Variants in NINJ2 observed in about 807,000 individuals in gnomAD.
NINJ2 encodes ninjurin-2.
Under a neutral mutation model 11.7 loss-of-function variants are expected in NINJ2, and 12 were observed. That is an observed-to-expected ratio of 1.02 (90% CI 0.66 to 1.66). NINJ2 has a LOEUF of 1.66. Ranked by LOEUF, NINJ2 falls within the 40% of genes most tolerant of loss-of-function variation. NINJ2 has a pLI of 0.00. For synonymous variants in NINJ2, 93 were observed against 76.8 expected (o/e 1.21, Z -1.10); for missense variants, 187 against 181.8 (o/e 1.03, Z -0.16).
intron 1 of NINJ2, among the ~76,000 whole-genome samples, chr12:662,515 G>A (rs771436017): frequency 2.0e-5 from 3 of 152,270 alleles, no homozygotes; most frequent in South Asian, 2.1e-4. Context: ...GATTTTGTTC[G>A]AGGACCAGGT....
intron 1 of NINJ2, among the ~76,000 whole-genome samples, chr12:602,708 T>G (rs1427256241): frequency 1.3e-5 from 2 of 152,238 alleles, no homozygotes; most frequent in African/African-American, 4.8e-5. Context: ...TGCACCATTT[T>G]GCATTCCAGC....
chr12:577,324 G>GTAT (rs36178671), intron 1 of NINJ2, among the ~76,000 whole-genome samples: 67,913 of 146,454 alleles, frequency 0.46, 16,536 homozygotes, highest in Non-Finnish European at 0.55. Flanking sequence ...TAGGCTAAGT[G>GTAT]TATTAAATGC....
At position 649,196 on chromosome 12, in the gene NINJ2, G is replaced by A. The variant is rs552576993; in HGVS notation, c.33+14132C>T. The stretch of plus-strand genomic sequence containing the variant: ...AGAGTAGCTGGGATTACAGGCATGC[G>A]CCACCACACTCGGCTAATTTTTGTA... On this transcript the variant is annotated intron_variant, in intron 1 of 3. Transcript: ENST00000305108. 8.6e-5 allele frequency among the ~76,000 whole-genome samples: 13 copies of A among 151,996 alleles called. No individual in the cohort carries two copies. In the East Asian group the frequency reaches 1.9e-3, roughly 23 times the overall value.
intron 1 of NINJ2, among the ~76,000 whole-genome samples, chr12:649,531 G>GTATATATA (rs58255301): frequency 0.39 from 49,240 of 127,376 alleles, 10,378 homozygotes; most frequent in Middle Eastern, 0.54. Context: ...GTGTATATGT[G>GTATATATA]TATATATATA....
At chr12:566,307 T>G in intron 1 of NINJ2, 129 bp from the exon 2 acceptor site, 1 of 699,612 alleles carries the variant, frequency 1.4e-6, no homozygotes, top group East Asian at 2.7e-5. Flanking sequence ...AATGACACCC[T>G]TAGTTTCATG....
chr12:621,303 A>AC (rs1948149693), intron 1 of NINJ2, among the ~76,000 whole-genome samples: 1 of 151,748 alleles, frequency 6.6e-6, no homozygotes, highest in Non-Finnish European at 1.5e-5. Context: ...TTAAAAAAAA[A>AC]ATTAGCCAGG....
intron 1 of NINJ2, among the ~76,000 whole-genome samples, chr12:569,569 G>T (rs1176128617): frequency 6.6e-6 from 1 of 152,120 alleles, no homozygotes; most frequent in Non-Finnish European, 1.5e-5. Flanking sequence ...CCCCCCAAAT[G>T]TATCGTTAAC....
intron 1 of NINJ2, among the ~76,000 whole-genome samples, chr12:604,798 T>C (rs1015741698): frequency 6.6e-6 from 1 of 152,138 alleles, no homozygotes; most frequent in African/African-American, 2.4e-5. Flanking sequence ...GAAAGTCTAC[T>C]TACAGAGCAG....
At chr12:610,500 G>T in intron 1 of NINJ2, 1 of 1,519,094 alleles carries the variant, frequency 6.6e-7, no homozygotes. Flanking sequence ...TTCTGCCCCC[G>T]TGGGTCCCCA....
chr12:593,701 G>A (rs979775113), intron 1 of NINJ2, among the ~76,000 whole-genome samples: 1 of 151,982 alleles, frequency 6.6e-6, no homozygotes, highest in Non-Finnish European at 1.5e-5. Context: ...ATGACAGAGT[G>A]AGACCCTGTC....
At chr12:574,429 C>A (rs1947423722) in intron 1 of NINJ2, among the ~76,000 whole-genome samples, 1 of 152,158 alleles carries the variant, frequency 6.6e-6, no homozygotes, top group Non-Finnish European at 1.5e-5. Flanking sequence ...GAAACTTAAT[C>A]CCTGCTGTAA....
At chr12:606,514 C>A (rs1380453496) in intron 1 of NINJ2, among the ~76,000 whole-genome samples, 4 of 152,060 alleles carry the variant, frequency 2.6e-5, no homozygotes, top group African/African-American at 9.7e-5. Context: ...TTACCAAGTG[C>A]CCTATATAAT....
At position 567,404 on chromosome 12, in the gene NINJ2, A is replaced by T. The variant is rs189670140; in HGVS notation, c.34-1226T>A. 4.8e-4 allele frequency among the ~76,000 whole-genome samples: 73 copies of T among 152,068 alleles called. 1 individual carries two copies. In the East Asian group the frequency reaches 0.014, roughly 29 times the overall value. ...GTTAAACACTCGTAATTTGTTTTTA[A>T]TTTTTTTGGCTAGGATTTATTGAAG... On this transcript the variant is annotated intron_variant, in intron 1 of 3. Transcript: ENST00000305108.
intron 1 of NINJ2, among the ~76,000 whole-genome samples, chr12:568,658 C>T (rs1277354760): frequency 2.6e-5 from 4 of 152,226 alleles, no homozygotes; most frequent in Non-Finnish European, 4.4e-5. Context: ...GCTTTCTACA[C>T]GGGGCAGTTC....
At chr12:646,729 G>A (rs1937689553) in intron 1 of NINJ2, among the ~76,000 whole-genome samples, 1 of 152,140 alleles carries the variant, frequency 6.6e-6, no homozygotes, top group African/African-American at 2.4e-5. Flanking sequence ...GTACAGATTA[G>A]GACTGAAAAT....
At chr12:622,677 G>C (rs1948167902) in intron 1 of NINJ2, among the ~76,000 whole-genome samples, 1 of 151,942 alleles carries the variant, frequency 6.6e-6, no homozygotes, top group Admixed American at 6.6e-5. Flanking sequence ...AAAATGTGTT[G>C]CTTTGTTTTG....
Position 592,068 on chromosome 12 carries a change from T to C in NINJ2, c.34-25890A>G, listed in dbSNP as rs558794995. ...ATTCTCGGTGAACTTACCATTAATC[T>C]GTGACAGATGAAAAATAGGAACTTT... On this transcript the variant is annotated intron_variant, in intron 1 of 3. Transcript: ENST00000305108. Among the ~76,000 whole-genome samples, 31 of 152,218 alleles carry C rather than the reference T, an allele frequency of 2.0e-4. 1 individual carries two copies. In the South Asian group the frequency reaches 6.4e-3, roughly 32 times the overall value.
chr12:616,596 C>G (rs1948094080), intron 1 of NINJ2, among the ~76,000 whole-genome samples: 1 of 152,158 alleles, frequency 6.6e-6, no homozygotes, highest in South Asian at 2.1e-4. Flanking sequence ...GGAAACCCAC[C>G]CCATTCCCCC....
At chr12:648,358 G>A (rs796297192) in intron 1 of NINJ2, among the ~76,000 whole-genome samples, 9 of 152,334 alleles carry the variant, frequency 5.9e-5, no homozygotes, top group Admixed American at 2.0e-4. Context: ...GATTACAGGC[G>A]TGAGCCACTG....
Sources: gnomAD v4.1 joint callset for allele counts (sites outside exome capture counted in the v4.1 genomes callset) on GRCh38, gnomAD v4.1.1 for gene constraint, MANE v1.5 for transcripts, NCBI Gene and HGNC (gene_info 2026-07-23, HGNC 2026-07-21) for gene names.